The following SORCS3 variants were observed in gnomAD, a reference collection of about 807,000 sequenced individuals.
SORCS3 encodes the protein sortilin related VPS10 domain containing receptor 3, also known as VPS10 domain-containing receptor SorCS3.
SORCS3 carries 57 observed loss-of-function variants against 146.3 expected under a neutral mutation model. That is an observed-to-expected ratio of 0.39 (90% CI 0.31 to 0.49). SORCS3 has a LOEUF of 0.49. Ranked by LOEUF, SORCS3 falls within the 20% of genes least tolerant of loss-of-function variation. SORCS3 has a pLI of 0.92. For missense variants in SORCS3, 1,341 were observed against 1,575.5 expected (o/e 0.85, Z 2.52); for synonymous variants, 653 against 618.5 (o/e 1.06, Z -0.83).
chr10:104,790,744 C>T (rs2017487359), intron 1 of SORCS3, among the ~76,000 whole-genome samples: 1 of 152,128 alleles, frequency 6.6e-6, no homozygotes, highest in African/African-American at 2.4e-5. Flanking sequence ...ATATGCCAAG[C>T]TCAGTGCTAA....
At chr10:104,920,278 C>A (rs747351379) in intron 3 of SORCS3, among the ~76,000 whole-genome samples, 1 of 152,166 alleles carries the variant, frequency 6.6e-6, no homozygotes, top group African/African-American at 2.4e-5. Flanking sequence ...TTGCCCCTGG[C>A]AAAACAGTAA....
intron 1 of SORCS3, among the ~76,000 whole-genome samples, chr10:104,835,963 C>T (rs556878852): frequency 2.6e-5 from 4 of 152,268 alleles, no homozygotes; most frequent in South Asian, 2.1e-4. Flanking sequence ...CAGCCAACTC[C>T]GCAAACATAC....
rs71022748 is a variant in SORCS3 at position 104,940,204 on chromosome 10, TTATATATA to T, written c.795+24300_795+24307del. ...ACCGAGAGTTCCTCTTCCTTTTCTT[TTATATATA>T]TATATATATATATATATATATATAT... On this transcript the variant is annotated intron_variant, in intron 3 of 26. Transcript: ENST00000369701. Among the ~76,000 whole-genome samples, 389 of 52,960 alleles carry T rather than the reference TTATATATA, an allele frequency of 7.3e-3. 3 individuals are homozygous for T. The highest frequency in any genetic ancestry group is 0.016 in the African/African-American group (354 of 21,602). The allele number at this position is 52,960 out of a possible 152,430, so 34.7% of individuals were successfully genotyped here. A position where few individuals can be genotyped will look rare whatever the true frequency, so the allele number is the denominator to read the frequency against.
rs576815450 is a variant in SORCS3, at chr10:104,824,746, C to T, written c.628-18046C>T. 2.0e-5 allele frequency among the ~76,000 whole-genome samples: 3 copies of T among 152,318 alleles called. No individual in the cohort carries two copies. In the South Asian group the frequency reaches 6.2e-4, roughly 32 times the overall value. ...AGCAGCTGAGGCTAGTGGCTGCTTC[C>T]AGTCTGGAGAGATGCTGATCCCCAG... On this transcript the variant is annotated intron_variant, in intron 1 of 26. Coordinates refer to ENST00000369701, the MANE Select transcript of SORCS3 (RefSeq NM_014978.3).
At chr10:104,939,787 G>T (rs962063447) in intron 3 of SORCS3, among the ~76,000 whole-genome samples, 2 of 152,092 alleles carry the variant, frequency 1.3e-5, no homozygotes, top group African/African-American at 2.4e-5. Flanking sequence ...ACAACACTCG[G>T]GTGGGTAAAA....
chr10:105,209,215 C>T (rs988600099), intron 16 of SORCS3, among the ~76,000 whole-genome samples: 2 of 151,926 alleles, frequency 1.3e-5, no homozygotes, highest in African/African-American at 4.8e-5. Context: ...GGTCTTGGTT[C>T]ACTGTAACTT....
chr10:104,691,047 G>C (rs942873069), intron 1 of SORCS3, among the ~76,000 whole-genome samples: 3 of 152,218 alleles, frequency 2.0e-5, no homozygotes, highest in African/African-American at 7.2e-5. Flanking sequence ...AGGGGGATGG[G>C]CTTTGCCAGC....
chr10:104,839,570 T>C (rs1002716963), intron 1 of SORCS3, among the ~76,000 whole-genome samples: 1 of 152,136 alleles, frequency 6.6e-6, no homozygotes, highest in Admixed American at 6.5e-5. Context: ...ATGGGCCAGA[T>C]TGTGGAGTCT....
At chr10:104,872,057 T>G (rs2018524191) in intron 2 of SORCS3, among the ~76,000 whole-genome samples, 1 of 152,136 alleles carries the variant, frequency 6.6e-6, no homozygotes, top group Non-Finnish European at 1.5e-5. Flanking sequence ...TCTACCTGAC[T>G]GAATAAAGTA....
rs2056860361 is a variant in SORCS3, at chr10:105,245,526, T to C, written c.2869-16T>C. ...CCCACACAAGACTGAATGAGTATTG[T>C]TACTTCTTCTTGTAGCCTCTCATCA... On this transcript the variant is annotated splice_polypyrimidine_tract_variant and intron_variant, in intron 20 of 26. Coordinates refer to ENST00000369701, the MANE Select transcript of SORCS3 (RefSeq NM_014978.3). The C allele has an allele frequency of 1.2e-6, 2 of 1,613,892 alleles. No individual in the cohort carries two copies. Among genetic ancestry groups the C allele is most frequent in the South Asian group, 1.1e-5 (1 of 91,054 alleles).
intron 1 of SORCS3, 105 bp downstream of exon 1, chr10:104,642,059 G>A (rs1474873815): frequency 1.6e-5 from 21 of 1,310,276 alleles, no homozygotes; most frequent in Non-Finnish European, 2.0e-5. Flanking sequence ...GTCGAGGCGG[G>A]GGACGCCTCG....
At chr10:104,661,076 A>G (rs2015694213) in intron 1 of SORCS3, among the ~76,000 whole-genome samples, 1 of 152,250 alleles carries the variant, frequency 6.6e-6, no homozygotes, top group African/African-American at 2.4e-5. Flanking sequence ...CTCAGTGCCT[A>G]TTAATGAAGA....
At chr10:104,692,588 C>A (rs1304974486) in intron 1 of SORCS3, among the ~76,000 whole-genome samples, 1 of 152,184 alleles carries the variant, frequency 6.6e-6, no homozygotes, top group African/African-American at 2.4e-5. Flanking sequence ...TGTCTTTGTC[C>A]AGCTTACACT....
At chr10:105,252,534 C>A (rs968427929) in intron 22 of SORCS3, among the ~76,000 whole-genome samples, 5 of 152,118 alleles carry the variant, frequency 3.3e-5, no homozygotes, top group African/African-American at 1.2e-4. Context: ...TTTGTAATAC[C>A]ATTCTAGTTT....
intron 1 of SORCS3, among the ~76,000 whole-genome samples, chr10:104,690,771 T>C (rs994276117): frequency 3.9e-5 from 6 of 152,186 alleles, no homozygotes; most frequent in Non-Finnish European, 5.9e-5. Context: ...GGATCCGTGA[T>C]CCAAAGAAGG....
At chr10:105,232,103 G>T (rs959815324) in intron 20 of SORCS3, among the ~76,000 whole-genome samples, 1 of 152,086 alleles carries the variant, frequency 6.6e-6, no homozygotes, top group African/African-American at 2.4e-5. Context: ...GAAAAATGAT[G>T]TGGAAAATTG....
chr10:105,089,958 C>G, intron 6 of SORCS3, 119 bp downstream of exon 6: 1 of 742,826 alleles, frequency 1.3e-6, no homozygotes, highest in South Asian at 1.6e-5. Context: ...ATTACAGCCA[C>G]ATCCATCCTT....
At chr10:104,990,746 G>A (rs796522507) in intron 4 of SORCS3, among the ~76,000 whole-genome samples, 13 of 152,268 alleles carry the variant, frequency 8.5e-5, no homozygotes, top group African/African-American at 2.6e-4. Flanking sequence ...GTCACAGAAA[G>A]ATGTTACACA....
chr10:105,258,326 A>G (rs2056942481), intron 25 of SORCS3, among the ~76,000 whole-genome samples: 1 of 152,224 alleles, frequency 6.6e-6, no homozygotes, highest in African/African-American at 2.4e-5. Flanking sequence ...ACAAAGTGAG[A>G]AAAGGTTCAA....
Sources: allele counts gnomAD v4.1 joint callset (sites outside exome capture counted in the v4.1 genomes callset), GRCh38; gene constraint gnomAD v4.1.1; transcripts MANE v1.5; gene names NCBI Gene and HGNC (gene_info 2026-07-23, HGNC 2026-07-21).